KIF20B: variants seen among roughly 807,000 people sequenced by gnomAD.
The protein encoded by KIF20B is kinesin family member 20B.
KIF20B carries 188 observed loss-of-function variants against 232.5 expected under a neutral mutation model. That is an observed-to-expected ratio of 0.81 (90% CI 0.72 to 0.91). The LOEUF (loss-of-function observed/expected upper bound fraction) is 0.91. Among genes scored for constraint, KIF20B ranks in the 40% least tolerant of loss-of-function variants. The probability of loss-of-function intolerance (pLI) is 0.00; values close to 1 mark genes in which losing one functional copy is unlikely to be tolerated. For missense variants in KIF20B, 2,154 were observed against 2,055.9 expected (o/e 1.05, Z -0.92); for synonymous variants, 712 against 683.0 (o/e 1.04, Z -0.66).
In KIF20B at chr10:89,748,454, ACT is replaced by A. The variant is rs1273689665; in HGVS notation, c.4096+2500_4096+2501del. 2.0e-5 allele frequency among the ~76,000 whole-genome samples: 3 copies of A among 152,212 alleles called. No individual in the cohort carries two copies. The East Asian group carries it at 5.8e-4, about 29-fold the overall frequency. The stretch of plus-strand genomic sequence containing the variant: ...GGTGTGCTTCACTCTTAAGTCTCAG[ACT>A]CTCTTTACTAATCCATGTTATTTGT... On this transcript the variant is annotated intron_variant, in intron 23 of 32. Transcript: ENST00000371728.
intron 14 of KIF20B, among the ~76,000 whole-genome samples, chr10:89,724,355 C>T (rs758223192): frequency 6.6e-5 from 10 of 151,842 alleles, no homozygotes; most frequent in African/African-American, 2.4e-4. Flanking sequence ...GGTGAAACCT[C>T]GTCTGTACTA....
intron 17 of KIF20B, among the ~76,000 whole-genome samples, chr10:89,728,533 A>G (rs1843240380): frequency 6.6e-6 from 1 of 151,368 alleles, no homozygotes; most frequent in African/African-American, 2.4e-5. Flanking sequence ...TGTTTTTGAA[A>G]TGGAGTCTCA....
rs1047066945 is a variant in KIF20B at position 89,721,317 on chromosome 10, G to A, written c.1722+1611G>A. ...TATCTGGTCACTATGTGATTAGACCGTGTTACTTGGGCTTCTGTAATGTAT... is the reference window on the plus strand; with the variant it reads ...TATCTGGTCACTATGTGATTAGACCATGTTACTTGGGCTTCTGTAATGTAT... On this transcript the variant is annotated intron_variant, in intron 13 of 32. Transcript: ENST00000371728. 2.6e-5 allele frequency among the ~76,000 whole-genome samples: 4 copies of A among 152,258 alleles called. No individual in the cohort carries two copies. The South Asian group carries it at 6.2e-4, about 24-fold the overall frequency.
intron 31 of KIF20B, among the ~76,000 whole-genome samples, chr10:89,770,841 A>C (rs1406229503): frequency 6.6e-6 from 1 of 152,048 alleles, no homozygotes; most frequent in African/African-American, 2.4e-5. Flanking sequence ...ATCCATTCAT[A>C]CATGACAGAA....
intron 13 of KIF20B, among the ~76,000 whole-genome samples, chr10:89,723,073 CTG>C (rs34670077): frequency 0.2 from 30,623 of 151,944 alleles, 3,785 homozygotes; most frequent in East Asian, 0.46. Context: ...AACAACAACA[CTG>C]TGATCAGCAT....
intron 26 of KIF20B, 136 bp downstream of exon 26, chr10:89,754,809 C>CTTCTTTTTTTTTTTTTTTTTTTT: frequency 1.8e-6 from 1 of 545,996 alleles, no homozygotes; most frequent in Non-Finnish European, 3.0e-6. Context: ...TATAAGATAA[C>CTTCTTTTTTTTTTTTTTTTTTTT]TTCTGAGCCA....
chr10:89,705,795 G>A (rs1328041078), intron 2 of KIF20B, among the ~76,000 whole-genome samples: 1 of 152,162 alleles, frequency 6.6e-6, no homozygotes, highest in African/African-American at 2.4e-5. Flanking sequence ...TCTTTACAGA[G>A]AAAATTTATT....
intron 28 of KIF20B, 134 bp downstream of exon 28, chr10:89,760,770 T>C (rs1184645643): frequency 1.3e-5 from 7 of 552,610 alleles, no homozygotes; most frequent in Non-Finnish European, 2.3e-5. Flanking sequence ...TGAAAGAAAC[T>C]AGAGGCTTTT....
intron 13 of KIF20B, among the ~76,000 whole-genome samples, chr10:89,720,103 T>G (rs566520425): frequency 3.4e-4 from 52 of 152,320 alleles, no homozygotes; most frequent in South Asian, 6.2e-4. Context: ...CCTCGTATAC[T>G]GTTTGTATTG....
rs528619977 is a variant in KIF20B at position 89,716,306 on chromosome 10, C to T, written c.941-130C>T. Reference sequence around the variant, plus strand: ...GTAACCTGAAATAGCTGAGTTGACTCCAGCTAGGATGTGTTGTTAGAAGAA... The same window carrying T: ...GTAACCTGAAATAGCTGAGTTGACTTCAGCTAGGATGTGTTGTTAGAAGAA... On this transcript the variant is annotated intron_variant, in intron 8 of 32. Coordinates refer to ENST00000371728, the MANE Select transcript of KIF20B (RefSeq NM_001284259.2). 25 of 532,074 alleles carry T rather than the reference C, an allele frequency of 4.7e-5. No individual in the cohort carries two copies. The South Asian group carries it at 7.5e-4, about 16-fold the overall frequency. 33.0% of individuals were successfully genotyped at this position (532,074 alleles called of 1,614,324 possible).
intron 16 of KIF20B, 22 bp downstream of exon 16, chr10:89,726,543 TTATTTAGATATTGTAAACAC>T: frequency 6.6e-7 from 1 of 1,518,744 alleles, no homozygotes; most frequent in Non-Finnish European, 8.9e-7. Context: ...CATTTTACTT[TTATTTAGATATTGTAAACAC>T]ATAAAAAGTA....
At position 89,774,059 on chromosome 10, in the gene KIF20B, G is replaced by A; in HGVS notation, c.*11G>A. 6.5e-7 allele frequency: 1 copy of A among 1,537,296 alleles called. No homozygotes were observed. Among genetic ancestry groups the A allele is most frequent in the Non-Finnish European group, 8.9e-7 (1 of 1,126,756 alleles). On this transcript the variant is annotated 3_prime_UTR_variant, in exon 33 of 33. Transcript: ENST00000371728. ...AAAACAGCCAAATAAATCACTTATGGAAATGTTTAATATAAATTTTATAGT... is the reference window on the plus strand; with the variant it reads ...AAAACAGCCAAATAAATCACTTATGAAAATGTTTAATATAAATTTTATAGT...
At chr10:89,731,733 T>C (rs1843324902) in intron 18 of KIF20B, among the ~76,000 whole-genome samples, 1 of 152,144 alleles carries the variant, frequency 6.6e-6, no homozygotes, top group Admixed American at 6.5e-5. Flanking sequence ...GGACTTGTTA[T>C]GGAGCTGTGT....
intron 7 of KIF20B, among the ~76,000 whole-genome samples, chr10:89,714,620 G>A (rs1398424717): frequency 6.6e-6 from 1 of 152,000 alleles, no homozygotes; most frequent in Non-Finnish European, 1.5e-5. Flanking sequence ...TCATTGTGAT[G>A]TTTCGTTTGT....
chr10:89,710,045 GA>G lies in KIF20B; in HGVS notation c.475del (p.Thr159HisfsTer18). 6.2e-7 allele frequency: 1 copy of G among 1,606,572 alleles called. No homozygotes were observed. The highest frequency in any genetic ancestry group is 1.1e-5 in the South Asian group (1 of 89,282). ...TTTACTTACGGGCTAACCAATTCAG[GA>G]AAAACATATACATTTCAAGGTAAAT... is the stretch of plus-strand genomic sequence containing the variant. ...LIFTYGLTNS[G>X]KTYTFQGTEE... On this transcript the variant is annotated frameshift_variant, in exon 5 of 33. Coordinates refer to ENST00000371728, the MANE Select transcript of KIF20B (RefSeq NM_001284259.2). LOFTEE classifies it high-confidence loss of function.
chr10:89,707,570 C>G (rs989319192), intron 2 of KIF20B, among the ~76,000 whole-genome samples: 5 of 150,750 alleles, frequency 3.3e-5, no homozygotes, highest in African/African-American at 1.2e-4. Flanking sequence ...TTCTTCCCTT[C>G]CCTTTTACCT....
chr10:89,765,668 A>C (rs182386454), intron 29 of KIF20B, among the ~76,000 whole-genome samples: 261 of 152,308 alleles, frequency 1.7e-3, no homozygotes, highest in African/African-American at 5.7e-3. Flanking sequence ...ACAGCATGGT[A>C]CTGGTACCAA....
Position 89,709,170 on chromosome 10 carries a change from A to T in KIF20B, c.151A>T (p.Asn51Tyr), listed in dbSNP as rs1156898393. The change falls in exon 3 of 33, where the codon AAC (asparagine) becomes TAC (tyrosine). Residue 51 changes from asparagine to tyrosine, a missense_variant. Transcript: ENST00000371728. ...FSLVAPNTEA[N>Y]SFESKDYLQV... The stretch of plus-strand genomic sequence containing the variant: ...TTTTTCTCCTTTATTTTTTAAGGCA[A>T]ACAGTTTCGAATCTAAAGATTATCT... 6.2e-7 allele frequency: 1 copy of T among 1,601,228 alleles called. No homozygotes were observed.
rs368308555 is a variant in KIF20B at position 89,747,961 on chromosome 10, TG to T, written c.4096+2003del. 3.0e-3 allele frequency among the ~76,000 whole-genome samples: 458 copies of T among 152,376 alleles called. 3 individuals carry two copies. Among genetic ancestry groups the T allele is most frequent in the African/African-American group, 0.01 (428 of 41,584 alleles). On this transcript the variant is annotated intron_variant, in intron 23 of 32. Coordinates refer to ENST00000371728, the MANE Select transcript of KIF20B (RefSeq NM_001284259.2). ...ATCCTAGGTGCTGAATTATGAATTA[TG>T]CTTTTCTTACTCAGATTGTATTGAT...
Sources: allele counts gnomAD v4.1 joint callset (sites outside exome capture counted in the v4.1 genomes callset), GRCh38; gene constraint gnomAD v4.1.1; transcripts MANE v1.5; gene names NCBI Gene and HGNC (gene_info 2026-07-23, HGNC 2026-07-21).